Variants in PIAS1 observed in about 807,000 individuals in gnomAD.
PIAS1 encodes the protein protein inhibitor of activated STAT 1, also known as E3 SUMO-protein ligase PIAS1.
PIAS1 carries 6 observed loss-of-function variants against 71.3 expected under a neutral mutation model. The ratio of observed to expected loss-of-function variants is 0.08; its 90% CI spans 0.05 to 0.17. PIAS1 has a LOEUF of 0.17. PIAS1 is among the 10% of genes least tolerant of loss of function. The pLI, the probability that PIAS1 is intolerant of heterozygous loss-of-function variation, is 1.00. For synonymous variants in PIAS1, 303 were observed against 292.9 expected (o/e 1.03, Z -0.35); for missense variants, 555 against 793.6 (o/e 0.70, Z 3.61).
At chr15:68,181,132 G>T in intron 11 of PIAS1, 80 bp from the exon 12 acceptor site, 1 of 1,231,504 alleles carries the variant, frequency 8.1e-7, no homozygotes, top group Non-Finnish European at 1.2e-6. Context: ...AGGGTTCATT[G>T]TGAGATACAA....
chr15:68,066,795 TA>T (rs35847224), intron 1 of PIAS1, among the ~76,000 whole-genome samples: 6 of 151,534 alleles, frequency 4.0e-5, no homozygotes, highest in African/African-American at 1.2e-4. Flanking sequence ...TAAAGACCTT[TA>T]AAAAAAAAGT....
At chr15:68,074,156 A>G (rs2092131187) in intron 1 of PIAS1, among the ~76,000 whole-genome samples, 1 of 152,238 alleles carries the variant, frequency 6.6e-6, no homozygotes, top group Admixed American at 6.5e-5. Context: ...TAGGCTGGAA[A>G]TAAAGATTTG....
chr15:68,169,829 C>A (rs139110898), intron 8 of PIAS1, among the ~76,000 whole-genome samples: 1 of 152,136 alleles, frequency 6.6e-6, no homozygotes, highest in African/African-American at 2.4e-5. Context: ...GTGTAGTAAA[C>A]GTAATTGAAT....
chr15:68,118,277 C>T (rs7182181), intron 2 of PIAS1, among the ~76,000 whole-genome samples: 22 of 151,374 alleles, frequency 1.5e-4, no homozygotes, highest in South Asian at 8.4e-4. Context: ...GCCAAGATTG[C>T]GCCACTACAC....
chr15:68,162,520 T>G (rs1595779675), intron 7 of PIAS1, among the ~76,000 whole-genome samples: 1 of 151,924 alleles, frequency 6.6e-6, no homozygotes, highest in Admixed American at 6.6e-5. Context: ...AGAGGAGATG[T>G]ATTAGGGGAA....
At chr15:68,183,968 A>G (rs990154073) in intron 13 of PIAS1, 4 of 187,982 alleles carry the variant, frequency 2.1e-5, no homozygotes, top group Non-Finnish European at 3.2e-5. Flanking sequence ...TGCATTTACT[A>G]TATTTTTTAT....
chr15:68,080,186 T>C (rs764007530), intron 1 of PIAS1, among the ~76,000 whole-genome samples: 120 of 152,278 alleles, frequency 7.9e-4, no homozygotes, highest in Non-Finnish European at 8.4e-4. Flanking sequence ...TTTTGAAGGA[T>C]AGAAGTTTCA....
At chr15:68,091,889 G>T (rs78519619) in intron 2 of PIAS1, among the ~76,000 whole-genome samples, 2,018 of 152,188 alleles carry the variant, frequency 0.013, 30 homozygotes, top group Middle Eastern at 0.031. Flanking sequence ...GGTTGTGTAG[G>T]TACTCGAAGT....
At chr15:68,162,439 C>T (rs533796914) in intron 7 of PIAS1, among the ~76,000 whole-genome samples, 192 of 151,798 alleles carry the variant, frequency 1.3e-3, no homozygotes, top group African/African-American at 4.4e-3. Flanking sequence ...CAGGGTTCTC[C>T]GGAGAAACTC....
rs1182625886 is a variant in PIAS1 at position 68,065,451 on chromosome 15, C to T, written c.24+11101C>T. ...CCAAAAATACAAAAAATTAGCTGGG[C>T]ATGTTGATGCGCACCTGTGGTTCCA... is the stretch of plus-strand genomic sequence containing the variant. On this transcript the variant is annotated intron_variant, in intron 1 of 13. Transcript: ENST00000249636. Among the ~76,000 whole-genome samples the T allele has an allele frequency of 3.3e-5, 5 of 151,890 alleles. No individual in the cohort carries two copies. In the East Asian group the frequency reaches 9.7e-4, roughly 30 times the overall value.
Position 68,142,299 on chromosome 15 carries a change from T to C in PIAS1, c.564T>C (p.Ser188=), listed in dbSNP as rs1294108252. The C allele has an allele frequency of 6.2e-7, 1 of 1,605,536 alleles. No homozygotes were observed. Among genetic ancestry groups the C allele is most frequent in the South Asian group, 1.1e-5 (1 of 90,758 alleles). ...VQQISSSMDI[S]GTKCDFTVQV... ...ATTCTGTCTCTTCTAGGGATATTTC[T>C]GGGACCAAATGTGACTTCACAGTAC... The change falls in exon 4 of 14, where the codon TCT becomes TCC. Residue 188 remains serine (S), a synonymous_variant. Coordinates refer to ENST00000249636, the MANE Select transcript of PIAS1 (RefSeq NM_016166.3).
At chr15:68,148,585 C>A (rs2092824270) in intron 6 of PIAS1, among the ~76,000 whole-genome samples, 1 of 151,954 alleles carries the variant, frequency 6.6e-6, no homozygotes, top group African/African-American at 2.4e-5. Flanking sequence ...CCTGCCACTG[C>A]ACCTGGCTAA....
In PIAS1 at chr15:68,181,192, C is replaced by G; in HGVS notation, c.1482-20C>G. 2 of 1,609,694 alleles carry G rather than the reference C, an allele frequency of 1.2e-6. No homozygotes were observed. Among genetic ancestry groups the G allele is most frequent in the Non-Finnish European group, 1.7e-6 (2 of 1,177,368 alleles). ...GTTTAACTGGCTAATGAAAACTATG[C>G]CAATCTTTCCTTCTTCCAGCATTTT... is the stretch of plus-strand genomic sequence containing the variant. On this transcript the variant is annotated intron_variant, in intron 11 of 13. Coordinates refer to ENST00000249636, the MANE Select transcript of PIAS1 (RefSeq NM_016166.3).
At chr15:68,177,059 T>G (rs935928301) in intron 11 of PIAS1, among the ~76,000 whole-genome samples, 1 of 151,976 alleles carries the variant, frequency 6.6e-6, no homozygotes, top group Non-Finnish European at 1.5e-5. Flanking sequence ...GCAGGTGGAT[T>G]GTCCAAGCTC....
intron 1 of PIAS1, among the ~76,000 whole-genome samples, chr15:68,068,823 G>C (rs1447916984): frequency 6.6e-6 from 1 of 151,510 alleles, no homozygotes; most frequent in Non-Finnish European, 1.5e-5. Flanking sequence ...TGAATCGTCA[G>C]AGTTATGAGA....
chr15:68,144,678 T>G (rs1202456326), intron 4 of PIAS1, among the ~76,000 whole-genome samples: 1 of 152,148 alleles, frequency 6.6e-6, no homozygotes, highest in Non-Finnish European at 1.5e-5. Context: ...GGAGTGGTCC[T>G]GTGAGCTTTG....
intron 1 of PIAS1, among the ~76,000 whole-genome samples, chr15:68,077,598 C>T (rs1488685858): frequency 3.3e-5 from 5 of 152,168 alleles, no homozygotes; most frequent in African/African-American, 1.2e-4. Flanking sequence ...GGGGCCCAGT[C>T]AAGAAAGTTG....
rs1197442009 is a variant in PIAS1, at chr15:68,178,751, A to G, written c.1481+2097A>G. Among the ~76,000 whole-genome samples, 1 of 152,170 alleles carries G rather than the reference A, an allele frequency of 6.6e-6. No individual in the cohort carries two copies. Among genetic ancestry groups the G allele is most frequent in the Non-Finnish European group, 1.5e-5 (1 of 68,020 alleles). On this transcript the variant is annotated intron_variant, in intron 11 of 13. Coordinates refer to ENST00000249636, the MANE Select transcript of PIAS1 (RefSeq NM_016166.3). The surrounding 1 kb of genome is among the most constrained non-coding windows in gnomAD (Gnocchi z 4.2). ...TTCTGTTCTTTAGACTATTAATAGT[A>G]ATATGTATTTATGTAAACTATGCAA...
chr15:68,057,254 G>A (rs566450425), intron 1 of PIAS1, among the ~76,000 whole-genome samples: 1 of 152,234 alleles, frequency 6.6e-6, no homozygotes, highest in Admixed American at 6.5e-5. Context: ...TTTATGAAAG[G>A]TTTAATTTTT....
Sources: gnomAD v4.1 joint callset for allele counts (sites outside exome capture counted in the v4.1 genomes callset) on GRCh38, gnomAD v4.1.1 for gene constraint, Gnocchi (gnomAD v3.1) non-coding constraint, MANE v1.5 for transcripts, NCBI Gene and HGNC (gene_info 2026-07-23, HGNC 2026-07-21) for gene names.